The following DNAH6 variants were observed in gnomAD, a reference collection of about 807,000 sequenced individuals.
DNAH6 encodes axonemal beta dynein heavy chain 6.
In DNAH6, 340 loss-of-function variants were observed where a neutral mutation model predicts 491.4. The observed-to-expected ratio is 0.69, with a 90% confidence interval of 0.63 to 0.76. The LOEUF (loss-of-function observed/expected upper bound fraction) is 0.76, where lower values mean the gene tolerates loss of function less well. Ranked by LOEUF, DNAH6 falls within the 30% of genes least tolerant of loss-of-function variation. DNAH6 has a pLI of 0.00. For synonymous variants in DNAH6, 1,603 were observed against 1,686.1 expected (o/e 0.95, Z 1.21); for missense variants, 4,443 against 4,972.2 (o/e 0.89, Z 3.20).
At chr2:84,575,436 T>C (rs960513100) in intron 12 of DNAH6, among the ~76,000 whole-genome samples, 1 of 152,180 alleles carries the variant, frequency 6.6e-6, no homozygotes. Flanking sequence ...TATTTAGACA[T>C]TTCATCCAAT....
intron 32 of DNAH6, among the ~76,000 whole-genome samples, chr2:84,640,810 TCC>T (rs1000859853): frequency 1.3e-5 from 2 of 152,206 alleles, no homozygotes; most frequent in Non-Finnish European, 2.9e-5. Context: ...CAGAAAATGA[TCC>T]CCAGCTAGGC....
intron 10 of DNAH6, among the ~76,000 whole-genome samples, chr2:84,556,816 C>G (rs1027012193): frequency 2.6e-5 from 4 of 152,154 alleles, no homozygotes; most frequent in African/African-American, 9.7e-5. Flanking sequence ...CCTGCTCACT[C>G]TCTTTTATTC....
chr2:84,486,594 G>T, the DNAH6 span, among the ~76,000 whole-genome samples: 1 of 152,190 alleles, frequency 6.6e-6, no homozygotes, highest in African/African-American at 2.4e-5. Flanking sequence ...GCCTCCAAAG[G>T]CAAGTGACTA....
chr2:84,653,423 C>G lies in DNAH6; in HGVS notation c.5183C>G (p.Pro1728Arg). ...GTCATGAATAGACAAAATCTTCAGC[C>G]TGAGATGTGTATGGTTAGAAAGGTG... ...VDVMNRQNLQPEMCMVRKVIQ... is the reference protein window; with the variant it reads ...VDVMNRQNLQREMCMVRKVIQ... Residue 1728 changes from proline (P) to arginine (R), a missense_variant, in exon 34 of 77, where the codon CCT becomes CGT. Around this residue, in one of 3 missense-constraint regions of DNAH6, gnomAD observed 2,977 missense variants for 3,296.6 expected, o/e 0.90. Transcript: ENST00000389394. The G allele has an allele frequency of 6.4e-7, 1 of 1,551,008 alleles. No homozygotes were observed.
chr2:84,792,020 A>G lies in DNAH6; in HGVS notation c.11240-4286A>G, dbSNP rs189219754. The stretch of plus-strand genomic sequence containing the variant: ...TAAATGGACACAGAGAGTATCGTAT[A>G]TACATACAATGGAATACTATTTATC... On this transcript the variant is annotated intron_variant, in intron 68 of 76. Transcript: ENST00000389394. Among the ~76,000 whole-genome samples, 351 of 152,356 alleles carry G rather than the reference A, an allele frequency of 2.3e-3. 3 individuals carry two copies. Among genetic ancestry groups the G allele is most frequent in the Non-Finnish European group, 2.8e-3 (191 of 68,036 alleles).
the DNAH6 span, among the ~76,000 whole-genome samples, chr2:84,503,913 A>T: frequency 2.4e-4 from 36 of 152,086 alleles, no homozygotes; most frequent in Non-Finnish European, 5.0e-4. Context: ...GTGTACTGTA[A>T]CATTCTTGTA....
chr2:84,563,089 C>T (rs1023842390), intron 11 of DNAH6, among the ~76,000 whole-genome samples: 26 of 152,306 alleles, frequency 1.7e-4, no homozygotes, highest in Admixed American at 1.2e-3. Flanking sequence ...CCACTTAAGA[C>T]GCAGCTTTGC....
Position 84,694,253 on chromosome 2 carries a change from G to A in DNAH6, c.7297G>A (p.Ala2433Thr). The part of the protein sequence containing the change: ...QDAIEHVSRI[A>T]RMIRQERGNA... ...CCTCTGCTCTGATGTTTGCAGGATT[G>A]CTCGGATGATACGTCAAGAAAGAGG... The change falls in exon 46 of 77, where the codon GCT becomes ACT. Residue 2433 changes from alanine to threonine, a missense_variant. Ala to Thr is a moderately conservative substitution (Grantham distance 58). This residue lies in a region of DNAH6 where 2,977 missense variants were observed against 3,296.6 expected (regional missense o/e 0.90). Coordinates refer to ENST00000389394, the MANE Select transcript of DNAH6 (RefSeq NM_001370.2). 1 of 1,551,768 alleles carries A rather than the reference G, an allele frequency of 6.4e-7. No homozygotes were observed. The highest frequency in any genetic ancestry group is 8.7e-7 in the Non-Finnish European group (1 of 1,146,868).
At chr2:84,800,645 A>G (rs1343999621) in intron 70 of DNAH6, among the ~76,000 whole-genome samples, 1 of 152,184 alleles carries the variant, frequency 6.6e-6, no homozygotes, top group Non-Finnish European at 1.5e-5. Context: ...GACCAAGCAG[A>G]AGAATGAATT....
chr2:84,792,981 G>T (rs1299530102), intron 68 of DNAH6, among the ~76,000 whole-genome samples: 1 of 152,174 alleles, frequency 6.6e-6, no homozygotes, highest in Non-Finnish European at 1.5e-5. Context: ...TCCAGGAGTG[G>T]TATTGGGGGT....
At chr2:84,592,393 G>T (rs1386948086) in intron 16 of DNAH6, among the ~76,000 whole-genome samples, 2 of 151,880 alleles carry the variant, frequency 1.3e-5, no homozygotes, top group African/African-American at 2.4e-5. Flanking sequence ...ACCACAAGAA[G>T]GTATCACCTC....
At chr2:84,520,621 T>C (rs1676046137) in intron 2 of DNAH6, among the ~76,000 whole-genome samples, 1 of 152,126 alleles carries the variant, frequency 6.6e-6, no homozygotes, top group African/African-American at 2.4e-5. Context: ...TACCTCTCTT[T>C]TTGTTCATGT....
At chr2:84,620,038 A>G (rs543139220) in intron 24 of DNAH6, 134 bp downstream of exon 24, 1 of 740,942 alleles carries the variant, frequency 1.3e-6, no homozygotes, top group South Asian at 1.9e-5. Context: ...CTTGCCCTCA[A>G]AGAGCTCAAA....
chr2:84,764,476 T>C (rs575751098), intron 64 of DNAH6, among the ~76,000 whole-genome samples: 1 of 152,124 alleles, frequency 6.6e-6, no homozygotes, highest in Non-Finnish European at 1.5e-5. Flanking sequence ...AGCAAAGATA[T>C]GGAGCTATGG....
At chr2:84,640,679 A>C in intron 32 of DNAH6, 101 bp downstream of exon 32, 1 of 1,156,464 alleles carries the variant, frequency 8.6e-7, no homozygotes. Context: ...CTGATTAATA[A>C]ATGTTGGCTG....
At chr2:84,619,136 T>A (rs1204868834) in intron 23 of DNAH6, among the ~76,000 whole-genome samples, 1 of 152,190 alleles carries the variant, frequency 6.6e-6, no homozygotes, top group African/African-American at 2.4e-5. Flanking sequence ...GGAAATGGTG[T>A]GCTGGCAAAA....
chr2:84,750,497 C>T (rs922169759), intron 63 of DNAH6, among the ~76,000 whole-genome samples: 2 of 151,904 alleles, frequency 1.3e-5, no homozygotes, highest in Non-Finnish European at 2.9e-5. Context: ...TGTGGTTATA[C>T]TTTTTTAAAG....
chr2:84,703,305 A>G (rs1165692970), intron 49 of DNAH6, 90 bp from the exon 50 acceptor site: 3 of 936,444 alleles, frequency 3.2e-6, no homozygotes, highest in South Asian at 6.0e-5. Flanking sequence ...TGTAGACGTA[A>G]AAGTCTAATA....
intron 58 of DNAH6, among the ~76,000 whole-genome samples, chr2:84,717,345 TTATA>T (rs1474928560): frequency 3.9e-5 from 6 of 152,194 alleles, no homozygotes; most frequent in African/African-American, 1.4e-4. Flanking sequence ...TTAGTATTCT[TTATA>T]TAATAATTTC....
Sources: allele counts gnomAD v4.1 joint callset (sites outside exome capture counted in the v4.1 genomes callset), GRCh38; gene constraint gnomAD v4.1.1; regional missense constraint gnomAD v4.1.1; transcripts MANE v1.5; gene names NCBI Gene and HGNC (gene_info 2026-07-23, HGNC 2026-07-21).